The following OR8D2 variants were observed in gnomAD, a reference collection of about 807,000 sequenced individuals.
OR8D2 encodes the protein olfactory receptor 8D2.
For synonymous variants in OR8D2, 156 were observed against 140.3 expected, an observed-to-expected ratio of 1.11 and a Z score of -0.79; for missense variants, 350 against 369.8, an observed-to-expected ratio of 0.95 and a Z score of 0.44.
Position 124,320,088 on chromosome 11 carries a change from A to G in OR8D2, c.110T>C (p.Val37Ala). Residue 37 changes from valine (V) to alanine (A), a missense_variant, in exon 1 of 1, where the codon GTC becomes GCC. Physicochemically the swap from Val to Ala is moderately conservative, Grantham distance 64 (BLOSUM62 0). Transcript: ENST00000624618. ...LFLLFLGIYV[V>A]TVVGNLGMIF... ...CATGCCCAGGTTCCCCACCACTGTG[A>G]CCACATATATTCCAAGGAACAGGAG... 6.2e-7 allele frequency: 1 copy of G among 1,613,834 alleles called. No individual in the cohort carries two copies.
Position 124,319,488 on chromosome 11 carries a change from G to T in OR8D2, c.710C>A (p.Ala237Asp). 1.9e-6 allele frequency: 3 copies of T among 1,613,710 alleles called. No homozygotes were observed. The highest frequency in any genetic ancestry group is 2.5e-6 in the Non-Finnish European group (3 of 1,179,806). The change falls in exon 1 of 1, where the codon GCC (alanine) becomes GAC (aspartate). Residue 237 changes from alanine to aspartate, a missense_variant. By Grantham distance (126) the Ala-to-Asp change is moderately radical. Transcript: ENST00000624618. Reference protein sequence around the residue: ...GIHSTEGQSKAFGTCSSHLLA... With the variant: ...GIHSTEGQSKDFGTCSSHLLA... ...GAGATGGGAGCTACAAGTGCCAAAG[G>T]CTTTGGATTGCCCCTCAGTGGAATG...
rs1317749107 is a variant in OR8D2, at chr11:124,320,165, C to T, written c.33G>A (p.Glu11=). 6.2e-7 allele frequency: 1 copy of T among 1,610,018 alleles called. No homozygotes were observed. The highest frequency in any genetic ancestry group is 8.5e-7 in the Non-Finnish European group (1 of 1,177,876). Residue 11 remains glutamate, a synonymous_variant, in exon 1 of 1, where the codon GAG becomes GAA. Coordinates refer to ENST00000624618, the MANE Select transcript of OR8D2 (RefSeq NM_001002918.1). The stretch of plus-strand genomic sequence containing the variant: ...GTTGTGTCAAGCCTGCCAGGATAAA[C>T]TCAGCCCCTGAAGAATGGTTTGAAG... MATSNHSSGA[E]FILAGLTQRP... is the part of the protein sequence containing the mutation.
Position 124,319,519 on chromosome 11 carries a change from C to T in OR8D2, c.679G>A (p.Gly227Ser). The change falls in exon 1 of 1, where the codon GGT becomes AGT. Residue 227 changes from glycine to serine, a missense_variant. Transcript: ENST00000624618. ...GATTGCCCCTCAGTGGAATGAATAC[C>T]AAGGATACTAGAGAAAATGAAAGCA... ...SYAFIFSSIL[G>S]IHSTEGQSKA... The T allele has an allele frequency of 6.2e-7, 1 of 1,613,690 alleles. No individual in the cohort carries two copies. The highest frequency in any genetic ancestry group is 8.5e-7 in the Non-Finnish European group (1 of 1,179,860).
rs7127554 is a variant in OR8D2, at chr11:124,320,075, C to T, written c.123G>A (p.Gly41=). The T allele has an allele frequency of 1.1e-3, 1,762 of 1,613,640 alleles. 16 individuals are homozygous for T. In the African/African-American group the frequency reaches 0.021, roughly 19 times the overall value. ...FLGIYVVTVV[G]NLGMIFLIAL... Reference sequence around the variant, plus strand: ...CAATTAAGAAGATCATGCCCAGGTTCCCCACCACTGTGACCACATATATTC... The same window carrying T: ...CAATTAAGAAGATCATGCCCAGGTTTCCCACCACTGTGACCACATATATTC... Residue 41 remains glycine, a synonymous_variant, in exon 1 of 1, where the codon GGG becomes GGA. Transcript: ENST00000624618.
rs745887390 is a variant in OR8D2, at chr11:124,319,594, T to C, written c.604A>G (p.Ile202Val). ...GTTGCTAAGGTATTAACTCCTCCAA[T>C]AATGAACAGCAGAATCTCATTGATG... ...THINEILLFI[I>V]GGVNTLATTL... Residue 202 changes from isoleucine (I) to valine (V), a missense_variant, in exon 1 of 1, where the codon ATT (isoleucine) becomes GTT (valine). Transcript: ENST00000624618. The C allele has an allele frequency of 1.7e-5, 28 of 1,613,576 alleles. No homozygotes were observed. The highest frequency in any genetic ancestry group is 1.9e-5 in the Non-Finnish European group (23 of 1,179,788).
In OR8D2 at chr11:124,319,332, AT is replaced by A. The variant is rs762224579; in HGVS notation, c.865del (p.Ile289SerfsTer4). 4.4e-6 allele frequency: 7 copies of A among 1,584,490 alleles called. No individual in the cohort carries two copies. The African/African-American group carries it at 9.5e-5, about 22-fold the overall frequency. ...ITIIPMLNPL[I>X]YSLRNKDVKN... ...CACATCCTTGTTCCTCAGGCTATAG[AT>A]TAGAGGATTCAGCATGGGGATTATT... On this transcript the variant is annotated frameshift_variant, in exon 1 of 1. Transcript: ENST00000624618. LOFTEE classifies it low-confidence loss of function (END_TRUNC).
chr11:124,319,328 A>G lies in OR8D2; in HGVS notation c.870T>C (p.Tyr290=), dbSNP rs748735376. ...TTTTCACATCCTTGTTCCTCAGGCT[A>G]TAGATTAGAGGATTCAGCATGGGGA... is the stretch of plus-strand genomic sequence containing the variant. ...TIIPMLNPLI[Y]SLRNKDVKNA... Residue 290 remains tyrosine (Y), a synonymous_variant, in exon 1 of 1, where the codon TAT becomes TAC. Coordinates refer to ENST00000624618, the MANE Select transcript of OR8D2 (RefSeq NM_001002918.1). 3.9e-5 allele frequency: 62 copies of G among 1,571,872 alleles called. No individual in the cohort carries two copies. Among genetic ancestry groups the G allele is most frequent in the Non-Finnish European group, 4.8e-5 (56 of 1,162,670 alleles).
Position 124,319,928 on chromosome 11 carries a change from G to T in OR8D2, c.270C>A (p.Asn90Lys). Residue 90 changes from asparagine to lysine, a missense_variant, in exon 1 of 1, where the codon AAC (asparagine) becomes AAA (lysine). Asn to Lys is a moderately conservative substitution (Grantham distance 94, BLOSUM62 0). Coordinates refer to ENST00000624618, the MANE Select transcript of OR8D2 (RefSeq NM_001002918.1). ...KMLVNFVPEE[N>K]IISFLECITQ... is the part of the protein sequence containing the mutation. ...TAATGCATTCCAGAAAGGAGATAAT[G>T]TTCTCCTCTGGAACAAAGTTCACCA... 1 of 1,613,084 alleles carries T rather than the reference G, an allele frequency of 6.2e-7. No individual in the cohort carries two copies. The highest frequency in any genetic ancestry group is 1.1e-5 in the South Asian group (1 of 91,058).
rs1279723507 is a variant in OR8D2, at chr11:124,319,545, T to C, written c.653A>G (p.Tyr218Cys). ...AAGGATACTAGAGAAAATGAAAGCA[T>C]AAGAGATAAGGACCGCCAGTGTAGT... ...LATTLAVLIS[Y>C]AFIFSSILGI... The change falls in exon 1 of 1, where the codon TAT becomes TGT. Residue 218 changes from tyrosine (Y) to cysteine (C), a missense_variant. Transcript: ENST00000624618. 1.2e-6 allele frequency: 2 copies of C among 1,613,828 alleles called. No homozygotes were observed.
At position 124,319,298 on chromosome 11, in the gene OR8D2, T is replaced by G; in HGVS notation, c.900A>C (p.Ala300=). The G allele has an allele frequency of 6.6e-7, 1 of 1,525,494 alleles. No individual in the cohort carries two copies. Among genetic ancestry groups the G allele is most frequent in the East Asian group, 2.3e-5 (1 of 44,080 alleles). The allele number at this position is 1,525,494 out of a possible 1,614,324, so 94.5% of individuals were successfully genotyped here. A position where few individuals can be genotyped will look rare whatever the true frequency, so the allele number is the denominator to read the frequency against. ...GCCTTCCCCTAGTCATCTTCTTCAG[T>G]GCATTTTTCACATCCTTGTTCCTCA... The part of the protein sequence containing the change: ...YSLRNKDVKN[A]LKKMTRGRQS... Residue 300 remains alanine, a synonymous_variant, in exon 1 of 1, where the codon GCA becomes GCC. Coordinates refer to ENST00000624618, the MANE Select transcript of OR8D2 (RefSeq NM_001002918.1).
At position 124,319,718 on chromosome 11, in the gene OR8D2, A is replaced by G. The variant is rs766843978; in HGVS notation, c.480T>C (p.Thr160=). Residue 160 remains threonine (T), a synonymous_variant, in exon 1 of 1, where the codon ACT becomes ACC. Coordinates refer to ENST00000624618, the MANE Select transcript of OR8D2 (RefSeq NM_001002918.1). ...SLGFLWATVH[T]TRMSVLSFCR... ...AGAATGACAACACTGACATGCGGGTAGTATGGACTGTGGCCCACAGAAAAC... is the reference window on the plus strand; with the variant it reads ...AGAATGACAACACTGACATGCGGGTGGTATGGACTGTGGCCCACAGAAAAC... 1.2e-6 allele frequency: 2 copies of G among 1,613,628 alleles called. No individual in the cohort carries two copies. The highest frequency in any genetic ancestry group is 3.3e-5 in the Admixed American group (2 of 59,934).
rs781713212 is a variant in OR8D2 at position 124,319,312 on chromosome 11, C to G, written c.886G>C (p.Asp296His). The G allele has an allele frequency of 1.9e-6, 3 of 1,543,758 alleles. No individual in the cohort carries two copies. The highest frequency in any genetic ancestry group is 2.1e-5 in the Admixed American group (1 of 47,510). The change falls in exon 1 of 1, where the codon GAT becomes CAT. Residue 296 changes from aspartate to histidine, a missense_variant. Physicochemically the swap from Asp to His is moderately conservative, Grantham distance 81. Transcript: ENST00000624618. ...NPLIYSLRNK[D>H]VKNALKKMTR... is the part of the protein sequence containing the mutation. ...ATCTTCTTCAGTGCATTTTTCACAT[C>G]CTTGTTCCTCAGGCTATAGATTAGA...
chr11:124,319,352 G>A lies in OR8D2; in HGVS notation c.846C>T (p.Ile282=). 1 of 1,600,578 alleles carries A rather than the reference G, an allele frequency of 6.2e-7. No individual in the cohort carries two copies. The highest frequency in any genetic ancestry group is 1.1e-5 in the South Asian group (1 of 88,644). Residue 282 remains isoleucine, a synonymous_variant, in exon 1 of 1, where the codon ATC becomes ATT. Transcript: ENST00000624618. ...KVSSVFYITI[I]PMLNPLIYSL... is the part of the protein sequence containing the mutation. ...TATAGATTAGAGGATTCAGCATGGG[G>A]ATTATTGTGATGTAGAACACAGAAG...
rs1565334003 is a variant in OR8D2, at chr11:124,319,694, GA to G, written c.503del (p.Phe168SerfsTer18). Reference sequence around the variant, plus strand: ...AATGACTGACCGTATGAGACCTACAGAATGACAACACTGACATGCGGGTAGT... The same window carrying G: ...AATGACTGACCGTATGAGACCTACAGATGACAACACTGACATGCGGGTAGT... ...VHTTRMSVLSFCRSHTVSHYF... is the reference protein window; with the variant it reads ...VHTTRMSVLSXCRSHTVSHYF... On this transcript the variant is annotated frameshift_variant, in exon 1 of 1. Transcript: ENST00000624618. LOFTEE classifies it low-confidence loss of function (END_TRUNC). 3.7e-6 allele frequency: 6 copies of G among 1,613,674 alleles called. No individual in the cohort carries two copies. The highest frequency in any genetic ancestry group is 5.1e-6 in the Non-Finnish European group (6 of 1,179,864).
In OR8D2 at chr11:124,319,601, C is replaced by T; in HGVS notation, c.597G>A (p.Leu199=). ...CSSTHINEIL[L]FIIGGVNTLA... The stretch of plus-strand genomic sequence containing the variant: ...AGGTATTAACTCCTCCAATAATGAA[C>T]AGCAGAATCTCATTGATGTGGGTGC... The change falls in exon 1 of 1, where the codon CTG becomes CTA. Residue 199 remains leucine (L), a synonymous_variant. Coordinates refer to ENST00000624618, the MANE Select transcript of OR8D2 (RefSeq NM_001002918.1). 1 of 1,613,580 alleles carries T rather than the reference C, an allele frequency of 6.2e-7. No homozygotes were observed. Among genetic ancestry groups the T allele is most frequent in the Non-Finnish European group, 8.5e-7 (1 of 1,179,806 alleles).
At position 124,319,715 on chromosome 11, in the gene OR8D2, G is replaced by T; in HGVS notation, c.483C>A (p.Thr161=). The change falls in exon 1 of 1, where the codon ACC becomes ACA. Residue 161 remains threonine (T), a synonymous_variant. Coordinates refer to ENST00000624618, the MANE Select transcript of OR8D2 (RefSeq NM_001002918.1). ...LGFLWATVHT[T]RMSVLSFCRS... ...TACAGAATGACAACACTGACATGCG[G>T]GTAGTATGGACTGTGGCCCACAGAA... 1 of 1,613,552 alleles carries T rather than the reference G, an allele frequency of 6.2e-7. No individual in the cohort carries two copies. The highest frequency in any genetic ancestry group is 8.5e-7 in the Non-Finnish European group (1 of 1,179,830).
chr11:124,320,062 TC>T lies in OR8D2; in HGVS notation c.135del (p.Met45IlefsTer4). Reference protein sequence around the residue: ...YVVTVVGNLGMIFLIALSSQL... With the variant: ...YVVTVVGNLGXIFLIALSSQL... ...TGAGAACTGAGAGCAATTAAGAAGA[TC>T]ATGCCCAGGTTCCCCACCACTGTGA... is the stretch of plus-strand genomic sequence containing the variant. On this transcript the variant is annotated frameshift_variant, in exon 1 of 1. Coordinates refer to ENST00000624618, the MANE Select transcript of OR8D2 (RefSeq NM_001002918.1). LOFTEE classifies it low-confidence loss of function (END_TRUNC). 6.2e-7 allele frequency: 1 copy of T among 1,613,662 alleles called. No individual in the cohort carries two copies. The highest frequency in any genetic ancestry group is 8.5e-7 in the Non-Finnish European group (1 of 1,179,804).
Position 124,319,566 on chromosome 11 carries a change from G to A in OR8D2, c.632C>T (p.Thr211Ile). ...IIGGVNTLAT[T>I]LAVLISYAFI... ...AGCATAAGAGATAAGGACCGCCAGT[G>A]TAGTTGCTAAGGTATTAACTCCTCC... Residue 211 changes from threonine to isoleucine, a missense_variant, in exon 1 of 1, where the codon ACA becomes ATA. By Grantham distance (89) the Thr-to-Ile change is moderately conservative (BLOSUM62 -1). Transcript: ENST00000624618. 1 of 1,613,844 alleles carries A rather than the reference G, an allele frequency of 6.2e-7. No individual in the cohort carries two copies. Among genetic ancestry groups the A allele is most frequent in the South Asian group, 1.1e-5 (1 of 91,064 alleles).
chr11:124,319,588 C>T lies in OR8D2; in HGVS notation c.610G>A (p.Gly204Arg). The change falls in exon 1 of 1, where the codon GGA (glycine) becomes AGA (arginine). Residue 204 changes from glycine to arginine, a missense_variant. Coordinates refer to ENST00000624618, the MANE Select transcript of OR8D2 (RefSeq NM_001002918.1). ...INEILLFIIGGVNTLATTLAV... is the reference protein window; with the variant it reads ...INEILLFIIGRVNTLATTLAV... The stretch of plus-strand genomic sequence containing the variant: ...AGTGTAGTTGCTAAGGTATTAACTC[C>T]TCCAATAATGAACAGCAGAATCTCA... The T allele has an allele frequency of 6.2e-7, 1 of 1,613,694 alleles. No homozygotes were observed. The highest frequency in any genetic ancestry group is 1.1e-5 in the South Asian group (1 of 91,062).
Sources: allele counts gnomAD v4.1 joint callset, GRCh38; gene constraint gnomAD v4.1.1; transcripts MANE v1.5; gene names NCBI Gene and HGNC (gene_info 2026-07-23, HGNC 2026-07-21).